PARVA: variants seen among roughly 807,000 people sequenced by gnomAD.
PARVA encodes the protein alpha-parvin.
In PARVA, 25 loss-of-function variants were observed where a neutral mutation model predicts 52.6. The observed-to-expected ratio is 0.48, with a 90% confidence interval of 0.35 to 0.66. The LOEUF (loss-of-function observed/expected upper bound fraction) is 0.66, where lower values mean the gene tolerates loss of function less well. Ranked by LOEUF, PARVA falls within the 30% of genes least tolerant of loss-of-function variation. The pLI, the probability that PARVA is intolerant of heterozygous loss-of-function variation, is 0.01. For missense variants in PARVA, 373 were observed against 450.9 expected (o/e 0.83, Z 1.56); for synonymous variants, 185 against 179.1 (o/e 1.03, Z -0.26).
intron 1 of PARVA, among the ~76,000 whole-genome samples, chr11:12,416,548 C>G (rs939116138): frequency 3.9e-5 from 6 of 152,278 alleles, no homozygotes; most frequent in African/African-American, 1.4e-4. Context: ...GCTCTCTGTA[C>G]AGCTGGAACC....
chr11:12,420,979 C>G lies in PARVA; in HGVS notation c.136+43196C>G, dbSNP rs147636827. Among the ~76,000 whole-genome samples, 243 of 151,464 alleles carry G rather than the reference C, an allele frequency of 1.6e-3. 2 individuals are homozygous for G. The highest frequency in any genetic ancestry group is 5.5e-3 in the African/African-American group (228 of 41,360). ...CTGGATCCTTCAATGATCACTCAAA[C>G]GGTGGTCAACCATCTGTTTATATCA... On this transcript the variant is annotated intron_variant, in intron 1 of 12. Coordinates refer to ENST00000334956, the MANE Select transcript of PARVA (RefSeq NM_018222.5).
intron 1 of PARVA, among the ~76,000 whole-genome samples, chr11:12,418,646 C>G (rs1247386981): frequency 1.3e-5 from 2 of 152,144 alleles, no homozygotes; most frequent in African/African-American, 4.8e-5. Flanking sequence ...GAGCCAAATT[C>G]CATCTTTATT....
intron 1 of PARVA, among the ~76,000 whole-genome samples, chr11:12,464,268 A>G (rs928033704): frequency 6.6e-6 from 1 of 152,220 alleles, no homozygotes; most frequent in Non-Finnish European, 1.5e-5. Flanking sequence ...TATCTATATT[A>G]AGTTAAACAT....
chr11:12,441,767 A>G (rs1205014926), intron 1 of PARVA, among the ~76,000 whole-genome samples: 1 of 152,222 alleles, frequency 6.6e-6, no homozygotes, highest in Non-Finnish European at 1.5e-5. Context: ...AACAAAAACG[A>G]CTATATTTTA....
At chr11:12,492,101 G>A (rs1481558191) in intron 4 of PARVA, among the ~76,000 whole-genome samples, 2 of 152,168 alleles carry the variant, frequency 1.3e-5, no homozygotes, top group Non-Finnish European at 2.9e-5. Context: ...TTAATATAGT[G>A]TGGTATATAT....
At chr11:12,489,567 TAAAG>T (rs1276840198) in intron 4 of PARVA, among the ~76,000 whole-genome samples, 2 of 152,094 alleles carry the variant, frequency 1.3e-5, no homozygotes, top group Non-Finnish European at 2.9e-5. Context: ...AGTAAATATT[TAAAG>T]AAAACATAAT....
Position 12,533,764 on chromosome 11 carries a change from G to A in PARVA, c.*5839G>A, listed in dbSNP as rs1222630129. Among the ~76,000 whole-genome samples the A allele has an allele frequency of 6.6e-6, 1 of 151,936 alleles. No homozygotes were observed. The highest frequency in any genetic ancestry group is 6.6e-5 in the Admixed American group (1 of 15,248). ...TATATTTACTATTAAGTGAAAGCAG[G>A]TCATCATAAAGTCCTCATCCTCATG... On this transcript the variant is annotated 3_prime_UTR_variant, in exon 13 of 13. Coordinates refer to ENST00000334956, the MANE Select transcript of PARVA (RefSeq NM_018222.5).
intron 5 of PARVA, among the ~76,000 whole-genome samples, chr11:12,500,315 A>G (rs1941348748): frequency 6.6e-6 from 1 of 152,002 alleles, no homozygotes; most frequent in Non-Finnish European, 1.5e-5. Context: ...CTTATCCCAT[A>G]TGTTCCCTCC....
At chr11:12,427,685 A>T (rs1012623377) in intron 1 of PARVA, among the ~76,000 whole-genome samples, 2 of 152,240 alleles carry the variant, frequency 1.3e-5, no homozygotes, top group African/African-American at 2.4e-5. Context: ...ATGGGTCATC[A>T]GCAGGGTTGA....
chr11:12,459,423 GAAGA>G (rs1467060567), intron 1 of PARVA, among the ~76,000 whole-genome samples: 2 of 151,746 alleles, frequency 1.3e-5, no homozygotes, highest in East Asian at 3.9e-4. Context: ...AAGAAAAAGA[GAAGA>G]AAGAAAAAAG....
Position 12,438,116 on chromosome 11 carries a change from C to T in PARVA, c.137-35629C>T, listed in dbSNP as rs537089923. 9.9e-5 allele frequency among the ~76,000 whole-genome samples: 15 copies of T among 152,036 alleles called. No individual in the cohort carries two copies. The East Asian group carries it at 2.3e-3, about 24-fold the overall frequency. ...TCTACTAAAAATACAAAAAATTAGC[C>T]GGGCATGGTGGCGGGCGCCTGTAGT... On this transcript the variant is annotated intron_variant, in intron 1 of 12. Transcript: ENST00000334956.
chr11:12,458,089 G>C (rs911463514), intron 1 of PARVA, among the ~76,000 whole-genome samples: 1 of 152,204 alleles, frequency 6.6e-6, no homozygotes, highest in African/African-American at 2.4e-5. Flanking sequence ...GGAAAGGAAT[G>C]AGTACATTTT....
At chr11:12,460,513 GGA>G (rs1208837125) in intron 1 of PARVA, among the ~76,000 whole-genome samples, 3 of 152,160 alleles carry the variant, frequency 2.0e-5, no homozygotes, top group South Asian at 2.1e-4. Context: ...ATCGATGACA[GGA>G]GAGAGTTTCC....
At chr11:12,429,197 T>G (rs1441468340) in intron 1 of PARVA, among the ~76,000 whole-genome samples, 2 of 152,134 alleles carry the variant, frequency 1.3e-5, no homozygotes, top group African/African-American at 4.8e-5. Context: ...CCCAGACTGG[T>G]CTTGAACTCC....
chr11:12,484,808 CT>C (rs1177057401), intron 4 of PARVA, among the ~76,000 whole-genome samples: 43,314 of 102,640 alleles, frequency 0.42, 9,182 homozygotes, highest in East Asian at 0.61. Flanking sequence ...TTTTTGTTGA[CT>C]TTTTTTTTTT....
intron 1 of PARVA, among the ~76,000 whole-genome samples, chr11:12,436,663 A>G (rs1940392571): frequency 6.6e-6 from 1 of 152,180 alleles, no homozygotes; most frequent in African/African-American, 2.4e-5. Context: ...AGATCAGTTT[A>G]GCTTCCTTTT....
chr11:12,425,454 A>G (rs532477949), intron 1 of PARVA, among the ~76,000 whole-genome samples: 1 of 152,160 alleles, frequency 6.6e-6, no homozygotes, highest in South Asian at 2.1e-4. Context: ...CCTAACCCCA[A>G]AATACCTTGA....
At chr11:12,427,059 G>A (rs542263574) in intron 1 of PARVA, among the ~76,000 whole-genome samples, 1 of 152,268 alleles carries the variant, frequency 6.6e-6, no homozygotes, top group Admixed American at 6.5e-5. Context: ...AAAGCAAACA[G>A]CATGAGAAAG....
intron 1 of PARVA, among the ~76,000 whole-genome samples, chr11:12,432,289 T>G (rs1464278477): frequency 2.6e-5 from 4 of 152,240 alleles, no homozygotes; most frequent in Non-Finnish European, 4.4e-5. Context: ...CATTAACTCT[T>G]TTTGAAAATA....
Sources: gnomAD v4.1 joint callset for allele counts (sites outside exome capture counted in the v4.1 genomes callset) on GRCh38, gnomAD v4.1.1 for gene constraint, MANE v1.5 for transcripts, NCBI Gene and HGNC (gene_info 2026-07-23, HGNC 2026-07-21) for gene names.